Variants in GNB1 observed in about 807,000 individuals in gnomAD.
GNB1 encodes the protein G protein subunit beta 1.
In GNB1, 2 loss-of-function variants were observed where a neutral mutation model predicts 42.9. That is an observed-to-expected ratio of 0.05 (90% CI 0.02 to 0.15). The LOEUF is 0.15. GNB1 is among the 10% of genes least tolerant of loss of function. The pLI, the probability that GNB1 is intolerant of heterozygous loss-of-function variation, is 1.00. For missense variants in GNB1, 193 were observed against 462.2 expected, an observed-to-expected ratio of 0.42 and a Z score of 5.34; for synonymous variants, 183 against 174.7, an observed-to-expected ratio of 1.05 and a Z score of -0.38.
At chr1:1,876,292 T>A (rs1366475234) in intron 1 of GNB1, among the ~76,000 whole-genome samples, 1 of 152,108 alleles carries the variant, frequency 6.6e-6, no homozygotes, top group Non-Finnish European at 1.5e-5. Flanking sequence ...AGTGCCCAGA[T>A]CAGCTTGGAG....
intron 4 of GNB1, 85 bp downstream of exon 4, chr1:1,817,752 C>A: frequency 1.1e-6 from 1 of 905,558 alleles, no homozygotes; most frequent in South Asian, 1.4e-5. Context: ...AGAATGCAAG[C>A]AGAGCCCTCC....
chr1:1,865,267 A>C lies in GNB1; in HGVS notation c.-96+25553T>G, dbSNP rs183371769. 8.9e-3 allele frequency among the ~76,000 whole-genome samples: 1,266 copies of C among 142,522 alleles called. 15 individuals carry two copies. The highest frequency in any genetic ancestry group is 0.026 in the Admixed American group (373 of 14,106). The allele number at this position is 142,522 out of a possible 152,430, so 93.5% of individuals were successfully genotyped here. A position where few individuals can be genotyped will look rare whatever the true frequency, so the allele number is the denominator to read the frequency against. ...ACAGAGTGAGACTCCATCTCAAAAA[A>C]CAAAAAAAAAACAAAAAAAAACCAA... On this transcript the variant is annotated intron_variant, in intron 1 of 11. Transcript: ENST00000378609.
At chr1:1,890,182 G>A (rs1401361345) in intron 1 of GNB1, among the ~76,000 whole-genome samples, 1 of 152,168 alleles carries the variant, frequency 6.6e-6, no homozygotes, top group Non-Finnish European at 1.5e-5. Flanking sequence ...GCCACAGCGC[G>A]ACTGCCTCAG....
intron 7 of GNB1, among the ~76,000 whole-genome samples, chr1:1,797,326 T>C (rs940338191): frequency 4.6e-5 from 7 of 152,186 alleles, no homozygotes; most frequent in African/African-American, 1.7e-4. Flanking sequence ...TATAATACTA[T>C]AGTTATATAA....
At chr1:1,796,719 A>T (rs1460382507) in intron 7 of GNB1, among the ~76,000 whole-genome samples, 2 of 152,190 alleles carry the variant, frequency 1.3e-5, no homozygotes, top group African/African-American at 4.8e-5. Flanking sequence ...CCCAGTGAGG[A>T]GGTGCAAGGG....
At chr1:1,843,525 C>T (rs1216221022) in intron 1 of GNB1, among the ~76,000 whole-genome samples, 1 of 152,172 alleles carries the variant, frequency 6.6e-6, no homozygotes, top group Admixed American at 6.5e-5. Flanking sequence ...CCGCACCCAG[C>T]TGCTCTATTT....
chr1:1,824,642 G>A (rs1570673790), intron 3 of GNB1, among the ~76,000 whole-genome samples: 1 of 151,580 alleles, frequency 6.6e-6, no homozygotes, highest in East Asian at 1.9e-4. Context: ...GCACAATCTC[G>A]GCTCACTGGA....
intron 1 of GNB1, among the ~76,000 whole-genome samples, chr1:1,848,294 G>A (rs780467409): frequency 6.7e-6 from 1 of 148,824 alleles, no homozygotes; most frequent in Non-Finnish European, 1.5e-5. Context: ...CAGGAAAACC[G>A]CTTGAACCCA....
At chr1:1,801,461 G>A (rs1479023347) in intron 7 of GNB1, among the ~76,000 whole-genome samples, 1 of 152,184 alleles carries the variant, frequency 6.6e-6, no homozygotes, top group Non-Finnish European at 1.5e-5. Flanking sequence ...AACCACAAGA[G>A]TGAGCAAGGG....
chr1:1,813,996 C>A (rs1283643581), intron 5 of GNB1, among the ~76,000 whole-genome samples: 3 of 152,160 alleles, frequency 2.0e-5, no homozygotes, highest in Admixed American at 2.0e-4. Flanking sequence ...TTATTATGAA[C>A]TACTCTCCGT....
chr1:1,831,792 C>T (rs1387046588), intron 2 of GNB1, among the ~76,000 whole-genome samples: 1 of 150,494 alleles, frequency 6.6e-6, no homozygotes, highest in Non-Finnish European at 1.5e-5. Context: ...GGCGCGGTGG[C>T]TCATGCCTGT....
At chr1:1,858,543 G>C (rs991449700) in intron 1 of GNB1, among the ~76,000 whole-genome samples, 14 of 152,066 alleles carry the variant, frequency 9.2e-5, no homozygotes, top group African/African-American at 2.9e-4. Flanking sequence ...CCCTTGTCCA[G>C]GTACTTCCAG....
chr1:1,820,123 G>A (rs1367068144), intron 3 of GNB1, among the ~76,000 whole-genome samples: 7 of 152,128 alleles, frequency 4.6e-5, no homozygotes, highest in Non-Finnish European at 1.0e-4. Flanking sequence ...TCAGGCGGCT[G>A]AGGTGGGTGG....
chr1:1,819,701 G>A (rs1646905658), intron 3 of GNB1, among the ~76,000 whole-genome samples: 1 of 104,920 alleles, frequency 9.5e-6, no homozygotes, highest in African/African-American at 3.0e-5. Context: ...ACTATGCCCG[G>A]CTAATTTTTT....
At chr1:1,858,134 G>T (rs879485796) in intron 1 of GNB1, among the ~76,000 whole-genome samples, 3 of 152,118 alleles carry the variant, frequency 2.0e-5, no homozygotes, top group Non-Finnish European at 4.4e-5. Context: ...ACAGTCACTG[G>T]TGTTTTTTCT....
intron 1 of GNB1, among the ~76,000 whole-genome samples, chr1:1,883,168 A>C (rs899863666): frequency 2.0e-5 from 3 of 151,472 alleles, no homozygotes; most frequent in African/African-American, 7.3e-5. Context: ...GCTACTTGTG[A>C]GACTGAGAGA....
intron 4 of GNB1, among the ~76,000 whole-genome samples, chr1:1,816,107 T>C (rs368917727): frequency 9.7e-4 from 148 of 152,302 alleles, no homozygotes; most frequent in African/African-American, 3.5e-3. Flanking sequence ...CACACGAACA[T>C]GGCCAGCCTT....
intron 1 of GNB1, among the ~76,000 whole-genome samples, chr1:1,845,590 A>AATAAAATAAAAATAATAATAAT (rs1448743040): frequency 5.9e-5 from 9 of 151,914 alleles, no homozygotes; most frequent in Non-Finnish European, 1.3e-4. Context: ...ATAATAATAA[A>AATAAAATAAAAATAATAATAAT]ATAAAATAAA....
intron 5 of GNB1, among the ~76,000 whole-genome samples, chr1:1,808,154 G>A (rs568414475): frequency 6.6e-6 from 1 of 152,010 alleles, no homozygotes; most frequent in Non-Finnish European, 1.5e-5. Context: ...ACAGACACGC[G>A]CCACCACAGC....
Sources: allele counts gnomAD v4.1 joint callset (sites outside exome capture counted in the v4.1 genomes callset), GRCh38; gene constraint gnomAD v4.1.1; transcripts MANE v1.5; gene names NCBI Gene and HGNC (gene_info 2026-07-23, HGNC 2026-07-21).